Variants in KHDRBS2 observed in about 807,000 individuals in gnomAD.
KHDRBS2 encodes the protein KH domain-containing, RNA-binding, signal transduction-associated protein 2.
Under a neutral mutation model 44.3 loss-of-function variants are expected in KHDRBS2, and 26 were observed. The ratio of observed to expected loss-of-function variants is 0.59; its 90% CI spans 0.43 to 0.81. The LOEUF is 0.81. Ranked by LOEUF, KHDRBS2 falls within the 40% of genes least tolerant of loss-of-function variation. The pLI is 0.00. For missense variants in KHDRBS2, 476 were observed against 433.1 expected, an observed-to-expected ratio of 1.10 and a Z score of -0.88; for synonymous variants, 194 against 151.1, an observed-to-expected ratio of 1.28 and a Z score of -2.08.
chr6:62,161,573 C>CAG (rs1490807995), intron 2 of KHDRBS2, among the ~76,000 whole-genome samples: 3 of 33,346 alleles, frequency 9.0e-5, no homozygotes, highest in Admixed American at 4.7e-4. Flanking sequence ...TTGGTATTTG[C>CAG]GGGGGGGGGG....
At chr6:61,820,065 G>A (rs1789640825) in intron 6 of KHDRBS2, among the ~76,000 whole-genome samples, 2 of 152,034 alleles carry the variant, frequency 1.3e-5, no homozygotes, top group African/African-American at 4.8e-5. Flanking sequence ...GCAAGCCTGG[G>A]CAGTCTGTTT....
chr6:62,027,886 T>C (rs1783656500), intron 3 of KHDRBS2, among the ~76,000 whole-genome samples: 1 of 152,042 alleles, frequency 6.6e-6, no homozygotes, highest in Non-Finnish European at 1.5e-5. Flanking sequence ...AAACCAATAA[T>C]CTAGTTAAGT....
At chr6:62,265,370 C>T (rs1361514469) in intron 1 of KHDRBS2, among the ~76,000 whole-genome samples, 1 of 151,820 alleles carries the variant, frequency 6.6e-6, no homozygotes, top group Non-Finnish European at 1.5e-5. Flanking sequence ...TTAGTTTCCA[C>T]TTTGATAGGC....
chr6:61,838,028 T>TTTGGTTTAAGGG, intron 6 of KHDRBS2, among the ~76,000 whole-genome samples: 1 of 152,032 alleles, frequency 6.6e-6, no homozygotes, highest in Non-Finnish European at 1.5e-5. Context: ...AAACTTTTCT[T>TTTGGTTTAAGGG]CAGGACTAAT....
intron 2 of KHDRBS2, among the ~76,000 whole-genome samples, chr6:62,065,835 A>G (rs1311324017): frequency 6.6e-6 from 1 of 151,884 alleles, no homozygotes; most frequent in African/African-American, 2.4e-5. Flanking sequence ...AAACTAGAAT[A>G]TGCTTATAAA....
At chr6:62,213,243 T>C (rs1829392781) in intron 1 of KHDRBS2, among the ~76,000 whole-genome samples, 1 of 152,064 alleles carries the variant, frequency 6.6e-6, no homozygotes, top group African/African-American at 2.4e-5. Flanking sequence ...ATTGAGATGA[T>C]TATTTGAGAG....
chr6:62,240,342 A>G (rs915462899), intron 1 of KHDRBS2, among the ~76,000 whole-genome samples: 1 of 151,894 alleles, frequency 6.6e-6, no homozygotes, highest in African/African-American at 2.4e-5. Flanking sequence ...CTCATCTTGT[A>G]TACATTCTAC....
At chr6:62,153,186 A>T (rs1274144808) in intron 2 of KHDRBS2, among the ~76,000 whole-genome samples, 1 of 152,218 alleles carries the variant, frequency 6.6e-6, no homozygotes, top group Non-Finnish European at 1.5e-5. Flanking sequence ...CTATGAATGA[A>T]TTGAACATTA....
the KHDRBS2 span, among the ~76,000 whole-genome samples, chr6:61,590,205 GA>G: frequency 2.0e-5 from 3 of 152,002 alleles, no homozygotes; most frequent in Admixed American, 6.5e-5. Flanking sequence ...TTGCAATAAT[GA>G]AAAAAGATGG....
At chr6:61,590,745 C>T in the KHDRBS2 span, among the ~76,000 whole-genome samples, 1 of 152,082 alleles carries the variant, frequency 6.6e-6, no homozygotes, top group Non-Finnish European at 1.5e-5. Flanking sequence ...ACTGAGCTAA[C>T]AATATGACAT....
chr6:62,000,322 T>C (rs1439074644), intron 3 of KHDRBS2, among the ~76,000 whole-genome samples: 1 of 152,208 alleles, frequency 6.6e-6, no homozygotes, highest in African/African-American at 2.4e-5. Flanking sequence ...CTCAATTTTT[T>C]TTCCTGCTAA....
At chr6:62,026,771 T>G (rs1334336264) in intron 3 of KHDRBS2, among the ~76,000 whole-genome samples, 1 of 152,068 alleles carries the variant, frequency 6.6e-6, no homozygotes, top group African/African-American at 2.4e-5. Flanking sequence ...GTTCACATTA[T>G]CTTTTCTTAA....
chr6:61,553,340 T>A, the KHDRBS2 span, among the ~76,000 whole-genome samples: 2 of 152,086 alleles, frequency 1.3e-5, no homozygotes, highest in Admixed American at 1.3e-4. Flanking sequence ...ATGGGGTAAG[T>A]GGTAACATCC....
the KHDRBS2 span, among the ~76,000 whole-genome samples, chr6:61,566,156 T>A: frequency 6.6e-6 from 1 of 152,086 alleles, no homozygotes; most frequent in Non-Finnish European, 1.5e-5. Context: ...AAATATCTCA[T>A]GTTCTCACTA....
intron 2 of KHDRBS2, among the ~76,000 whole-genome samples, chr6:62,109,815 A>G (rs1795893743): frequency 6.6e-6 from 1 of 151,798 alleles, no homozygotes; most frequent in Non-Finnish European, 1.5e-5. Context: ...AAAAAGAGGG[A>G]GAGAAGGAAA....
At chr6:61,889,790 T>G (rs867203124) in intron 6 of KHDRBS2, among the ~76,000 whole-genome samples, 3 of 152,210 alleles carry the variant, frequency 2.0e-5, no homozygotes, top group African/African-American at 7.2e-5. Flanking sequence ...GCCCCAATGT[T>G]ATTTGCTACC....
chr6:62,258,978 G>A (rs1372870448), intron 1 of KHDRBS2, among the ~76,000 whole-genome samples: 3 of 151,922 alleles, frequency 2.0e-5, no homozygotes, highest in African/African-American at 7.2e-5. Context: ...ATTAGGAAAA[G>A]GGAAATTGTT....
chr6:62,231,859 C>A (rs1486087025), intron 1 of KHDRBS2, among the ~76,000 whole-genome samples: 1 of 152,080 alleles, frequency 6.6e-6, no homozygotes, highest in South Asian at 2.1e-4. Context: ...ATATATGATG[C>A]ACTACTCAAG....
the KHDRBS2 span, among the ~76,000 whole-genome samples, chr6:61,606,891 A>G: frequency 6.6e-6 from 1 of 152,204 alleles, no homozygotes; most frequent in Non-Finnish European, 1.5e-5. Flanking sequence ...AATAAAGTAT[A>G]TTATGGGGTT....
Sources: allele counts gnomAD v4.1 joint callset (sites outside exome capture counted in the v4.1 genomes callset), GRCh38; gene constraint gnomAD v4.1.1; transcripts MANE v1.5; gene names NCBI Gene and HGNC (gene_info 2026-07-23, HGNC 2026-07-21).